BCL2: variants seen among roughly 807,000 people sequenced by gnomAD.
BCL2 encodes the protein apoptosis regulator Bcl-2.
Under a neutral mutation model 14.2 loss-of-function variants are expected in BCL2, and 1 was observed. The ratio of observed to expected loss-of-function variants is 0.07; its 90% CI spans 0.02 to 0.33. BCL2 has a LOEUF of 0.33. Among genes scored for constraint, BCL2 ranks in the 10% least tolerant of loss-of-function variants. The pLI is 0.99. For missense variants in BCL2, 247 were observed against 305.9 expected (o/e 0.81, Z 1.44); for synonymous variants, 151 against 137.2 (o/e 1.10, Z -0.70).
chr18:63,256,134 T>C (rs761637815), intron 2 of BCL2, among the ~76,000 whole-genome samples: 2 of 152,220 alleles, frequency 1.3e-5, no homozygotes, highest in African/African-American at 2.4e-5. Flanking sequence ...AATGGTGTCA[T>C]TGTGCATTGG....
rs113062740 is a variant in BCL2 at position 63,228,866 on chromosome 18, G to T, written c.585+89216C>A. 5.9e-3 allele frequency among the ~76,000 whole-genome samples: 901 copies of T among 152,294 alleles called. 11 individuals carry two copies. The highest frequency in any genetic ancestry group is 0.02 in the African/African-American group (850 of 41,576). On this transcript the variant is annotated intron_variant, in intron 2 of 2. Transcript: ENST00000333681. ...TGGGACTACAGGCATGTGCCACCAG[G>T]CTCAACTGGTTTTTTGTATTTTTAG...
chr18:63,224,547 G>A (rs184944887), intron 2 of BCL2, among the ~76,000 whole-genome samples: 51 of 152,284 alleles, frequency 3.3e-4, no homozygotes, highest in South Asian at 3.1e-3. Context: ...GGATTTTCCC[G>A]TACAAGACAG....
chr18:63,314,327 G>A (rs898763068), intron 2 of BCL2: 1 of 152,220 alleles, frequency 6.6e-6, no homozygotes, highest in Non-Finnish European at 1.5e-5. Context: ...ACACTGGCAT[G>A]AGAATGGTAT....
intron 2 of BCL2, among the ~76,000 whole-genome samples, chr18:63,282,533 G>C (rs1912347280): frequency 1.3e-5 from 2 of 152,140 alleles, no homozygotes; most frequent in Admixed American, 1.3e-4. Flanking sequence ...ATGGCAGTTT[G>C]ATTTGTAAAG....
intron 2 of BCL2, among the ~76,000 whole-genome samples, chr18:63,223,964 G>A (rs1221715224): frequency 6.6e-6 from 1 of 152,086 alleles, no homozygotes; most frequent in Non-Finnish European, 1.5e-5. Flanking sequence ...AGGAGACAGA[G>A]ACCAGGAGAG....
chr18:63,255,762 C>T (rs1599272580), intron 2 of BCL2, among the ~76,000 whole-genome samples: 2 of 151,868 alleles, frequency 1.3e-5, no homozygotes, highest in South Asian at 4.2e-4. Flanking sequence ...TGTTTTAAAC[C>T]ACATGGTCCT....
intron 2 of BCL2, among the ~76,000 whole-genome samples, chr18:63,225,675 G>C (rs994492200): frequency 7.2e-5 from 11 of 152,194 alleles, no homozygotes; most frequent in African/African-American, 2.7e-4. Flanking sequence ...GCACTGGCAG[G>C]GGTGAACTCC....
intron 2 of BCL2, among the ~76,000 whole-genome samples, chr18:63,221,737 A>G (rs1283930530): frequency 6.6e-6 from 1 of 152,246 alleles, no homozygotes; most frequent in African/African-American, 2.4e-5. Context: ...TGCCTCAGAG[A>G]TAAAGAGCAG....
intron 2 of BCL2, among the ~76,000 whole-genome samples, chr18:63,156,288 A>G (rs2144613721): frequency 6.6e-6 from 1 of 152,304 alleles, no homozygotes; most frequent in African/African-American, 2.4e-5. Flanking sequence ...CTTTCAACTT[A>G]CAAACTATTA....
At chr18:63,146,815 C>A (rs528305986) in intron 2 of BCL2, among the ~76,000 whole-genome samples, 1 of 151,754 alleles carries the variant, frequency 6.6e-6, no homozygotes, top group South Asian at 2.1e-4. Context: ...ATTTTTGATC[C>A]CCAGGCATAA....
intron 2 of BCL2, among the ~76,000 whole-genome samples, chr18:63,298,441 A>G (rs901508419): frequency 6.6e-6 from 1 of 152,290 alleles, no homozygotes; most frequent in African/African-American, 2.4e-5. Context: ...TTAGCTAGCT[A>G]TGTTGATGGC....
chr18:63,203,614 G>A (rs4987783), intron 2 of BCL2, among the ~76,000 whole-genome samples: 3,053 of 152,190 alleles, frequency 0.02, 35 homozygotes, highest in South Asian at 0.054. Context: ...ATATATTCTG[G>A]CTATTACTTG....
At position 63,169,388 on chromosome 18, in the gene BCL2, T is replaced by TC. The variant is rs1491576568; in HGVS notation, c.586-40630_586-40629insG. ...TTCTTTCTCTTTCTTTCTTTCTTTC[T>TC]TTTTCTTTCTTTCTTTTTCTTTCTC... On this transcript the variant is annotated intron_variant, in intron 2 of 2. Transcript: ENST00000333681. Among the ~76,000 whole-genome samples, 22 of 72,966 alleles carry TC rather than the reference T, an allele frequency of 3.0e-4. 2 individuals are homozygous for TC. The highest frequency in any genetic ancestry group is 9.4e-4 in the East Asian group (1 of 1,064). 47.9% of individuals were successfully genotyped at this position (72,966 alleles called of 152,430 possible).
At chr18:63,128,832 G>C (rs1913986370) in intron 2 of BCL2, 73 bp from the exon 3 acceptor site, 1 of 681,986 alleles carries the variant, frequency 1.5e-6, no homozygotes, top group Non-Finnish European at 2.7e-6. Flanking sequence ...ACCCCACAGA[G>C]AAAGAGGCAT....
At chr18:63,244,632 A>G (rs529959181) in intron 2 of BCL2, among the ~76,000 whole-genome samples, 2 of 152,324 alleles carry the variant, frequency 1.3e-5, no homozygotes, top group East Asian at 3.9e-4. Flanking sequence ...AGAATAATCC[A>G]GGTAAAATGT....
intron 2 of BCL2, among the ~76,000 whole-genome samples, chr18:63,208,340 C>A (rs191261042): frequency 6.6e-6 from 1 of 152,168 alleles, no homozygotes; most frequent in Non-Finnish European, 1.5e-5. Context: ...CTGTACCCCC[C>A]ACCCCCGCCC....
At position 63,138,834 on chromosome 18, in the gene BCL2, G is replaced by A. The variant is rs376528869; in HGVS notation, c.586-10075C>T. On this transcript the variant is annotated intron_variant, in intron 2 of 2. Transcript: ENST00000333681. ...CCACAGTTGGTCCAGGGAAGTTCTG[G>A]TGTGTTCTGTTATGCAAATTTAGCT... is the stretch of plus-strand genomic sequence containing the variant. 1.6e-4 allele frequency among the ~76,000 whole-genome samples: 24 copies of A among 152,362 alleles called. No homozygotes were observed. In the South Asian group the frequency reaches 3.7e-3, roughly 24 times the overall value.
intron 2 of BCL2, among the ~76,000 whole-genome samples, chr18:63,153,029 C>T (rs2144610129): frequency 6.6e-6 from 1 of 152,282 alleles, no homozygotes; most frequent in East Asian, 1.9e-4. Context: ...TTCACCCTCT[C>T]CAGAATGCTC....
intron 2 of BCL2, among the ~76,000 whole-genome samples, chr18:63,287,060 C>G (rs73963750): frequency 0.033 from 5,049 of 152,220 alleles, 105 homozygotes; most frequent in Non-Finnish European, 0.046. Flanking sequence ...GGCAGTTGTT[C>G]TCTTTTCTCC....
Sources: gnomAD v4.1 joint callset for allele counts (sites outside exome capture counted in the v4.1 genomes callset) on GRCh38, gnomAD v4.1.1 for gene constraint, MANE v1.5 for transcripts, NCBI Gene and HGNC (gene_info 2026-07-23, HGNC 2026-07-21) for gene names.